Variants in RIMS1 observed in about 807,000 individuals in gnomAD.
The protein encoded by RIMS1 is regulating synaptic membrane exocytosis protein 1.
RIMS1 carries 83 observed loss-of-function variants against 214.1 expected under a neutral mutation model. The ratio of observed to expected loss-of-function variants is 0.39; its 90% CI spans 0.32 to 0.47. The LOEUF is 0.47. Among genes scored for constraint, RIMS1 ranks in the 20% least tolerant of loss-of-function variants. The pLI is 0.99. For synonymous variants in RIMS1, 793 were observed against 786.8 expected, an observed-to-expected ratio of 1.01 and a Z score of -0.13; for missense variants, 2,050 against 2,161.8, an observed-to-expected ratio of 0.95 and a Z score of 1.03.
At chr6:71,930,673 T>G (rs1264316576) in intron 1 of RIMS1, among the ~76,000 whole-genome samples, 3 of 152,028 alleles carry the variant, frequency 2.0e-5, no homozygotes, top group Non-Finnish European at 4.4e-5. Context: ...CCCTATGATT[T>G]CCCTTGTCTT....
chr6:72,253,638 A>G (rs1400043553), intron 16 of RIMS1, among the ~76,000 whole-genome samples: 2 of 151,738 alleles, frequency 1.3e-5, no homozygotes, highest in Non-Finnish European at 2.9e-5. Flanking sequence ...TAAAGACAGT[A>G]TATATATATA....
chr6:72,247,877 CA>C lies in RIMS1; in HGVS notation c.2129-136del. Reference sequence around the variant, plus strand: ...TATTTTTTAAATAGACAACTAAAGACAATCTATCCCATTAAAAGTAGGTTCT... The same window carrying C: ...TATTTTTTAAATAGACAACTAAAGACATCTATCCCATTAAAAGTAGGTTCT... On this transcript the variant is annotated intron_variant, in intron 11 of 33. Transcript: ENST00000521978. 3 of 622,948 alleles carry C rather than the reference CA, an allele frequency of 4.8e-6. No homozygotes were observed. In the East Asian group the frequency reaches 8.4e-5, roughly 18 times the overall value. The allele number at this position is 622,948 out of a possible 1,614,324, so 38.6% of individuals were successfully genotyped here. A position where few individuals can be genotyped will look rare whatever the true frequency, so the allele number is the denominator to read the frequency against.
intron 2 of RIMS1, among the ~76,000 whole-genome samples, chr6:71,972,401 G>GGAAAAA (rs1421041027): frequency 6.6e-6 from 1 of 152,090 alleles, no homozygotes; most frequent in Non-Finnish European, 1.5e-5. Flanking sequence ...AACCGAGTAG[G>GGAAAAA]GAAAAAGAAA....
chr6:72,245,655 A>C (rs935831103), intron 10 of RIMS1, among the ~76,000 whole-genome samples, 160 bp from the exon 11 acceptor site: 11 of 151,920 alleles, frequency 7.2e-5, no homozygotes, highest in African/African-American at 2.7e-4. Context: ...GTGGTGTTTG[A>C]CATTCATGCA....
chr6:71,940,187 C>A (rs577312261), intron 1 of RIMS1, among the ~76,000 whole-genome samples: 40 of 152,280 alleles, frequency 2.6e-4, no homozygotes, highest in Non-Finnish European at 5.1e-4. Flanking sequence ...TTCTGGAATT[C>A]TTTCTTCCAA....
At chr6:72,253,718 G>A (rs1271851052) in intron 16 of RIMS1, among the ~76,000 whole-genome samples, 2 of 152,074 alleles carry the variant, frequency 1.3e-5, no homozygotes, top group South Asian at 2.1e-4. Flanking sequence ...TGAGGGCAAT[G>A]GTTTTGCTCA....
intron 23 of RIMS1, 149 bp from the exon 24 acceptor site, chr6:72,283,898 A>G: frequency 1.7e-6 from 1 of 579,120 alleles, no homozygotes; most frequent in Non-Finnish European, 3.1e-6. Flanking sequence ...TCATTCATTT[A>G]TTTGTTTATT....
intron 1 of RIMS1, among the ~76,000 whole-genome samples, chr6:71,910,127 G>A (rs1294575628): frequency 6.6e-6 from 1 of 152,078 alleles, no homozygotes; most frequent in African/African-American, 2.4e-5. Context: ...AAATCAGAAA[G>A]AGAGAGAGGT....
intron 18 of RIMS1, among the ~76,000 whole-genome samples, chr6:72,260,043 A>G (rs1390921566): frequency 1.3e-5 from 2 of 152,108 alleles, no homozygotes; most frequent in African/African-American, 4.8e-5. Flanking sequence ...AGCTGCTCTG[A>G]GGAATAGGAT....
intron 28 of RIMS1, among the ~76,000 whole-genome samples, chr6:72,322,318 G>T (rs957564832): frequency 6.6e-6 from 1 of 152,098 alleles, no homozygotes; most frequent in Non-Finnish European, 1.5e-5. Flanking sequence ...CAGAAGCAGG[G>T]TATTGGGGGA....
intron 2 of RIMS1, among the ~76,000 whole-genome samples, chr6:72,050,435 A>G (rs1267352404): frequency 1.3e-5 from 2 of 152,110 alleles, no homozygotes; most frequent in Admixed American, 6.5e-5. Flanking sequence ...TGAGTTATCC[A>G]TCCTCTTTAA....
intron 29 of RIMS1, among the ~76,000 whole-genome samples, chr6:72,338,507 G>T (rs1248252087): frequency 6.6e-6 from 1 of 152,006 alleles, no homozygotes; most frequent in Non-Finnish European, 1.5e-5. Flanking sequence ...CACAGCAAAA[G>T]AAACCACCAT....
At chr6:72,004,366 G>A (rs536276909) in intron 2 of RIMS1, among the ~76,000 whole-genome samples, 19 of 152,104 alleles carry the variant, frequency 1.2e-4, no homozygotes, top group African/African-American at 2.9e-4. Context: ...ATGATTTATA[G>A]TCCTTTGGGT....
chr6:72,306,502 G>A (rs1177257856), intron 26 of RIMS1, among the ~76,000 whole-genome samples: 4 of 152,142 alleles, frequency 2.6e-5, no homozygotes, highest in Non-Finnish European at 4.4e-5. Flanking sequence ...TTCTAACTTA[G>A]AACAATTCAT....
At chr6:72,107,291 T>C (rs1287831676) in intron 4 of RIMS1, among the ~76,000 whole-genome samples, 2 of 152,176 alleles carry the variant, frequency 1.3e-5, no homozygotes, top group East Asian at 3.9e-4. Flanking sequence ...CCAGGAGCGG[T>C]AGCTCACGCC....
chr6:72,340,212 A>C (rs1386386182), intron 29 of RIMS1, among the ~76,000 whole-genome samples: 144 of 151,930 alleles, frequency 9.5e-4, no homozygotes, highest in African/African-American at 3.3e-3. Context: ...TAGGTTGCAA[A>C]ATTTTCTCCC....
At chr6:72,280,523 T>A (rs1275568715) in intron 23 of RIMS1, among the ~76,000 whole-genome samples, 1 of 152,028 alleles carries the variant, frequency 6.6e-6, no homozygotes, top group East Asian at 1.9e-4. Flanking sequence ...TTATTGCAAT[T>A]AAGTGCATAT....
At chr6:72,324,073 TAGATAGAG>T (rs2096319674) in intron 28 of RIMS1, among the ~76,000 whole-genome samples, 2 of 149,382 alleles carry the variant, frequency 1.3e-5, no homozygotes, top group African/African-American at 5.0e-5. Context: ...GATAGATAGA[TAGATAGAG>T]AACAAAGAGA....
intron 4 of RIMS1, among the ~76,000 whole-genome samples, chr6:72,161,716 C>T (rs1469466789): frequency 7.1e-6 from 1 of 140,554 alleles, no homozygotes; most frequent in African/African-American, 2.5e-5. Context: ...GTTTCTTAAG[C>T]CTGAGTTCTA....
Sources: allele counts gnomAD v4.1 joint callset (sites outside exome capture counted in the v4.1 genomes callset), GRCh38; gene constraint gnomAD v4.1.1; transcripts MANE v1.5; gene names NCBI Gene and HGNC (gene_info 2026-07-23, HGNC 2026-07-21).